Variants in ALCAM observed in about 807,000 individuals in gnomAD.
ALCAM encodes the protein CD166 antigen.
Under a neutral mutation model 70.9 loss-of-function variants are expected in ALCAM, and 30 were observed. That is an observed-to-expected ratio of 0.42 (90% CI 0.32 to 0.57). ALCAM has a LOEUF of 0.57. ALCAM is among the 20% of genes least tolerant of loss of function. ALCAM has a pLI of 0.11. For missense variants in ALCAM, 591 were observed against 695.1 expected (o/e 0.85, Z 1.68); for synonymous variants, 249 against 242.5 (o/e 1.03, Z -0.25).
chr3:105,406,004 G>C (rs1443089459), intron 1 of ALCAM, among the ~76,000 whole-genome samples: 1 of 152,110 alleles, frequency 6.6e-6, no homozygotes, highest in Non-Finnish European at 1.5e-5. Flanking sequence ...ATTATCACTA[G>C]ACCAATTCAA....
At chr3:105,552,296 C>A in intron 13 of ALCAM, 114 bp downstream of exon 13, 1 of 1,298,852 alleles carries the variant, frequency 7.7e-7, no homozygotes, top group Non-Finnish European at 1.1e-6. Flanking sequence ...ATTAAAATAC[C>A]AAAGACAAGA....
chr3:105,448,512 G>A (rs1340571313), intron 1 of ALCAM, among the ~76,000 whole-genome samples: 1 of 151,816 alleles, frequency 6.6e-6, no homozygotes, highest in Non-Finnish European at 1.5e-5. Flanking sequence ...CCAACCTAGA[G>A]CAATGAGTAA....
chr3:105,570,811 G>A (rs11705950), intron 14 of ALCAM, among the ~76,000 whole-genome samples: 47,357 of 152,002 alleles, frequency 0.31, 8,094 homozygotes, highest in East Asian at 0.49. Flanking sequence ...TTCCATTTAT[G>A]TACAAATTAC....
intron 14 of ALCAM, among the ~76,000 whole-genome samples, chr3:105,563,844 C>T (rs1202221364): frequency 6.7e-6 from 1 of 149,090 alleles, no homozygotes; most frequent in Non-Finnish European, 1.5e-5. Flanking sequence ...CCCGCCACCG[C>T]GCCCGGCTAA....
At chr3:105,510,374 G>A (rs1033444647) in intron 1 of ALCAM, among the ~76,000 whole-genome samples, 6 of 152,016 alleles carry the variant, frequency 3.9e-5, no homozygotes, top group Non-Finnish European at 7.4e-5. Context: ...TATTAGCTGG[G>A]AACAGCTGGT....
At chr3:105,441,552 A>G (rs542126459) in intron 1 of ALCAM, among the ~76,000 whole-genome samples, 3 of 152,168 alleles carry the variant, frequency 2.0e-5, no homozygotes, top group Non-Finnish European at 4.4e-5. Flanking sequence ...AATCATCAGT[A>G]ATGTGTGAAC....
intron 6 of ALCAM, among the ~76,000 whole-genome samples, chr3:105,537,007 G>A (rs781637792): frequency 2.0e-5 from 3 of 152,216 alleles, no homozygotes; most frequent in South Asian, 2.1e-4. Context: ...TGAGGACTAC[G>A]AGTGGAGAAC....
rs1937431902 is a variant in ALCAM, at chr3:105,451,659, C to T, written c.74-68408C>T. Among the ~76,000 whole-genome samples the T allele has an allele frequency of 2.6e-5, 4 of 152,174 alleles. No homozygotes were observed. The South Asian group carries it at 8.3e-4, about 31-fold the overall frequency. On this transcript the variant is annotated intron_variant, in intron 1 of 15. Transcript: ENST00000306107. ...GCTAAGAGGTTCAATTTGTTAGGAA[C>T]ATAACAATTGAAAACTTTATTTACT...
chr3:105,465,995 A>G (rs1483862292), intron 1 of ALCAM, among the ~76,000 whole-genome samples: 1 of 151,364 alleles, frequency 6.6e-6, no homozygotes, highest in African/African-American at 2.4e-5. Context: ...ATTGTCATCT[A>G]CTCCATAAAA....
chr3:105,472,213 C>A (rs1260122564), intron 1 of ALCAM, among the ~76,000 whole-genome samples: 1 of 151,144 alleles, frequency 6.6e-6, no homozygotes, highest in Non-Finnish European at 1.5e-5. Context: ...TTTTTTTAGG[C>A]AGTGCTACTG....
chr3:105,529,106 T>G (rs910038759), intron 3 of ALCAM, among the ~76,000 whole-genome samples: 1 of 152,168 alleles, frequency 6.6e-6, no homozygotes, highest in Admixed American at 6.5e-5. Flanking sequence ...GCTACCATAG[T>G]GTGGCCCTAT....
At chr3:105,473,509 C>T (rs1449018564) in intron 1 of ALCAM, among the ~76,000 whole-genome samples, 1 of 151,520 alleles carries the variant, frequency 6.6e-6, no homozygotes, top group Non-Finnish European at 1.5e-5. Context: ...CAAACCCAAA[C>T]CTCTATAAAT....
chr3:105,522,915 G>A (rs1939582670), intron 2 of ALCAM, among the ~76,000 whole-genome samples: 1 of 152,030 alleles, frequency 6.6e-6, no homozygotes, highest in South Asian at 2.1e-4. Flanking sequence ...CGAGGCGGGC[G>A]GATCACGAGG....
intron 1 of ALCAM, among the ~76,000 whole-genome samples, chr3:105,438,553 G>A (rs556519015): frequency 6.6e-6 from 1 of 152,198 alleles, no homozygotes; most frequent in East Asian, 1.9e-4. Context: ...ATATGATAAT[G>A]AATTATCTAA....
At chr3:105,376,819 G>A (rs1262139676) in intron 1 of ALCAM, among the ~76,000 whole-genome samples, 1 of 152,174 alleles carries the variant, frequency 6.6e-6, no homozygotes. Flanking sequence ...TAACATGACT[G>A]AGGATGCTAA....
intron 14 of ALCAM, among the ~76,000 whole-genome samples, chr3:105,569,134 T>A (rs1940808006): frequency 6.6e-6 from 1 of 152,150 alleles, no homozygotes; most frequent in Non-Finnish European, 1.5e-5. Context: ...TGTATCACTC[T>A]CTAGTTGCTC....
At chr3:105,430,488 A>G (rs1265498820) in intron 1 of ALCAM, among the ~76,000 whole-genome samples, 2 of 152,046 alleles carry the variant, frequency 1.3e-5, no homozygotes, top group Non-Finnish European at 2.9e-5. Context: ...TCTTATGATA[A>G]TATTGGGATA....
chr3:105,568,044 T>C lies in ALCAM; in HGVS notation c.1665-3808T>C, dbSNP rs140347010. Reference sequence around the variant, plus strand: ...TCTAGTTCTTTTATTTTATTTTTTTTATTATTTTATTTTATTTTATTTTTT... The same window carrying C: ...TCTAGTTCTTTTATTTTATTTTTTTCATTATTTTATTTTATTTTATTTTTT... On this transcript the variant is annotated intron_variant, in intron 14 of 15. Transcript: ENST00000306107. 2.3e-3 allele frequency among the ~76,000 whole-genome samples: 315 copies of C among 136,716 alleles called. 2 individuals carry two copies. The East Asian group carries it at 0.037, about 16-fold the overall frequency. 89.7% of individuals were successfully genotyped at this position (136,716 alleles called of 152,430 possible). A position where few individuals can be genotyped will look rare whatever the true frequency, so the allele number is the denominator to read the frequency against.
chr3:105,419,819 T>C (rs1936599053), intron 1 of ALCAM, among the ~76,000 whole-genome samples: 2 of 151,796 alleles, frequency 1.3e-5, no homozygotes, highest in South Asian at 4.1e-4. Context: ...GAATGAATAA[T>C]AGTGACATAC....
Sources: gnomAD v4.1 joint callset for allele counts (sites outside exome capture counted in the v4.1 genomes callset) on GRCh38, gnomAD v4.1.1 for gene constraint, MANE v1.5 for transcripts, NCBI Gene and HGNC (gene_info 2026-07-23, HGNC 2026-07-21) for gene names.